CBLL1: variants seen among roughly 807,000 people sequenced by gnomAD.
The protein encoded by CBLL1 is E3 ubiquitin-protein ligase Hakai.
In CBLL1, 4 loss-of-function variants were observed where a neutral mutation model predicts 44.9. That is an observed-to-expected ratio of 0.09 (90% CI 0.04 to 0.20). CBLL1 has a LOEUF of 0.20. CBLL1 is among the 10% of genes least tolerant of loss of function. The probability of loss-of-function intolerance (pLI) is 1.00; values close to 1 mark genes in which losing one functional copy is unlikely to be tolerated. For synonymous variants in CBLL1, 235 were observed against 202.2 expected (o/e 1.16, Z -1.38); for missense variants, 569 against 636.7 (o/e 0.89, Z 1.14).
intron 4 of CBLL1, 189 bp downstream of exon 4, chr7:107,754,167 T>C (rs1793430542): frequency 2.9e-6 from 1 of 348,340 alleles, no homozygotes; most frequent in Non-Finnish European, 5.1e-6. Flanking sequence ...TGAATTCTTA[T>C]AAAATATTAA....
chr7:107,755,349 CTATA>C, intron 4 of CBLL1, 65 bp from the exon 5 acceptor site: 1 of 689,036 alleles, frequency 1.5e-6, no homozygotes, highest in Non-Finnish European at 2.1e-6. Context: ...GTATAGGTTA[CTATA>C]TATATATATT....
chr7:107,755,042 G>A (rs1232502397), intron 4 of CBLL1, among the ~76,000 whole-genome samples: 1 of 152,076 alleles, frequency 6.6e-6, no homozygotes, highest in African/African-American at 2.4e-5. Context: ...GGGAACATCA[G>A]CCAGGAGTTT....
chr7:107,755,312 TA>T (rs1375270231), intron 4 of CBLL1, 105 bp from the exon 5 acceptor site: 16 of 397,990 alleles, frequency 4.0e-5, no homozygotes. Context: ...TTTTAACAGG[TA>T]TTCTCAAGTG....
chr7:107,745,865 G>C (rs1035878586), intron 1 of CBLL1, among the ~76,000 whole-genome samples: 4 of 152,192 alleles, frequency 2.6e-5, no homozygotes, highest in Admixed American at 2.6e-4. Flanking sequence ...GGGAATTTGG[G>C]AACAAGTGTT....
At chr7:107,751,837 A>G (rs1490625495) in intron 2 of CBLL1, among the ~76,000 whole-genome samples, 2 of 152,122 alleles carry the variant, frequency 1.3e-5, no homozygotes, top group African/African-American at 4.8e-5. Context: ...TACAGGTGGA[A>G]CTACTCTGAA....
chr7:107,753,933 T>C lies in CBLL1; in HGVS notation c.321T>C (p.His107=). The part of the protein sequence containing the change: ...ILGEKDDTPV[H]FCDKCGLPIK... ...GTGAAAAGGATGATACACCAGTTCA[T>C]TTCTGTGACAAGTGTGGATTGCCTA... The change falls in exon 4 of 6, where the codon CAT becomes CAC. Residue 107 remains histidine (H), a synonymous_variant. Transcript: ENST00000440859. The C allele has an allele frequency of 6.3e-7, 1 of 1,597,938 alleles. No individual in the cohort carries two copies.
In CBLL1 at chr7:107,758,527, A is replaced by T; in HGVS notation, c.825A>T (p.Arg275=). 6.2e-7 allele frequency: 1 copy of T among 1,613,858 alleles called. No individual in the cohort carries two copies. The highest frequency in any genetic ancestry group is 8.5e-7 in the Non-Finnish European group (1 of 1,179,958). The change falls in exon 6 of 6, where the codon CGA becomes CGT. Residue 275 remains arginine (R), a synonymous_variant. Transcript: ENST00000440859. The surrounding 1 kb of genome is among the most constrained non-coding windows in gnomAD (Gnocchi z 4.2). ...AELSMAPPPP[R]SVSQETFRIS... is the part of the protein sequence containing the mutation. ...TGTCCATGGCTCCACCTCCACCTCGATCGGTCAGTCAGGAAACCTTTCGTA... is the reference window on the plus strand; with the variant it reads ...TGTCCATGGCTCCACCTCCACCTCGTTCGGTCAGTCAGGAAACCTTTCGTA...
At chr7:107,751,504 T>C (rs961622819) in intron 2 of CBLL1, among the ~76,000 whole-genome samples, 5 of 152,242 alleles carry the variant, frequency 3.3e-5, no homozygotes, top group East Asian at 1.9e-4. Context: ...ACATATGTTA[T>C]GGTTTCTTTT....
chr7:107,757,682 T>C (rs1793588536), intron 5 of CBLL1, among the ~76,000 whole-genome samples: 2 of 152,230 alleles, frequency 1.3e-5, no homozygotes, highest in South Asian at 4.1e-4. Flanking sequence ...TTACTTGTTG[T>C]AGTCCTTGCA....
At chr7:107,753,330 G>T (rs994324454) in intron 2 of CBLL1, 81 bp from the exon 3 acceptor site, 2 of 825,728 alleles carry the variant, frequency 2.4e-6, no homozygotes, top group Non-Finnish European at 3.9e-6. Flanking sequence ...TAGTGAAAAG[G>T]TCTATTTTGC....
chr7:107,759,430 A>C lies in CBLL1; in HGVS notation c.*252A>C. 1 of 360,264 alleles carries C rather than the reference A, an allele frequency of 2.8e-6. No individual in the cohort carries two copies. Among genetic ancestry groups the C allele is most frequent in the Non-Finnish European group, 5.0e-6 (1 of 199,534 alleles). The allele number at this position is 360,264 out of a possible 1,614,324, so 22.3% of individuals were successfully genotyped here. On this transcript the variant is annotated 3_prime_UTR_variant, in exon 6 of 6. Coordinates refer to ENST00000440859, the MANE Select transcript of CBLL1 (RefSeq NM_024814.4). The stretch of plus-strand genomic sequence containing the variant: ...TCTCTTTGTTCCCCTAGTTTAGTAA[A>C]TTGACCCAGAGGTGACCATTTGTAA...
intron 1 of CBLL1, chr7:107,744,932 C>CAT (rs1792934529): frequency 6.6e-6 from 1 of 152,284 alleles, no homozygotes; most frequent in African/African-American, 2.4e-5. Flanking sequence ...TTATGTGCCC[C>CAT]ATACATTTAT....
intron 5 of CBLL1, among the ~76,000 whole-genome samples, chr7:107,757,942 C>T (rs188711195): frequency 6.6e-6 from 1 of 152,114 alleles, no homozygotes; most frequent in East Asian, 1.9e-4. Context: ...CTGAAGTTGA[C>T]AGAAATGCCT....
chr7:107,757,902 C>G (rs1006487765), intron 5 of CBLL1, among the ~76,000 whole-genome samples: 1 of 152,198 alleles, frequency 6.6e-6, no homozygotes, highest in South Asian at 2.1e-4. Context: ...GAGGTCTCTT[C>G]TTGAAACATA....
intron 4 of CBLL1, among the ~76,000 whole-genome samples, chr7:107,754,822 A>G (rs983174153): frequency 3.4e-4 from 52 of 152,140 alleles, no homozygotes; most frequent in Non-Finnish European, 1.9e-4. Context: ...AGTATTCTTC[A>G]GGAGTTTTTG....
At chr7:107,754,103 C>T (rs917960638) in intron 4 of CBLL1, 125 bp downstream of exon 4, 4 of 472,112 alleles carry the variant, frequency 8.5e-6, no homozygotes, top group Non-Finnish European at 1.5e-5. Context: ...TATGAAATAA[C>T]TAAGGGAAGT....
chr7:107,756,255 C>T (rs1021792824), intron 5 of CBLL1, among the ~76,000 whole-genome samples: 1 of 152,114 alleles, frequency 6.6e-6, no homozygotes, highest in African/African-American at 2.4e-5. Flanking sequence ...GTGCTTAAAG[C>T]TATACCAAGA....
rs1161162571 is a variant in CBLL1, at chr7:107,753,958, A to G, written c.346A>G (p.Ile116Val). ...TTTCTGTGACAAGTGTGGATTGCCT[A>G]TTAAAATCTATGGGAGAATGGTAAG... ...VHFCDKCGLP[I>V]KIYGRMIPCK... The change falls in exon 4 of 6, where the codon ATT becomes GTT. Residue 116 changes from isoleucine (I) to valine (V), a missense_variant. Coordinates refer to ENST00000440859, the MANE Select transcript of CBLL1 (RefSeq NM_024814.4). 8.2e-6 allele frequency: 13 copies of G among 1,588,502 alleles called. No homozygotes were observed. Among genetic ancestry groups the G allele is most frequent in the South Asian group, 1.1e-5 (1 of 88,572 alleles).
chr7:107,749,936 ATTTT>A (rs1554370354), intron 2 of CBLL1, among the ~76,000 whole-genome samples: 2 of 54,096 alleles, frequency 3.7e-5, no homozygotes, highest in African/African-American at 1.0e-4. Context: ...GTGTATATAT[ATTTT>A]TTTGTTTGTT....
Sources: gnomAD v4.1 joint callset for allele counts (sites outside exome capture counted in the v4.1 genomes callset) on GRCh38, gnomAD v4.1.1 for gene constraint, Gnocchi (gnomAD v3.1) non-coding constraint, MANE v1.5 for transcripts, NCBI Gene and HGNC (gene_info 2026-07-23, HGNC 2026-07-21) for gene names.